PTPRN2: variants seen among roughly 807,000 people sequenced by gnomAD.
The protein encoded by PTPRN2 is receptor-type tyrosine-protein phosphatase N2.
A neutral mutation model predicts 118.8 loss-of-function variants in PTPRN2; 74 were observed. The ratio of observed to expected loss-of-function variants is 0.62; its 90% CI spans 0.52 to 0.76. The LOEUF is 0.76. PTPRN2 is among the 30% of genes least tolerant of loss of function. The probability of loss-of-function intolerance (pLI) is 0.00; values close to 1 mark genes in which losing one functional copy is unlikely to be tolerated. For synonymous variants in PTPRN2, 641 were observed against 608.0 expected (o/e 1.05, Z -0.80); for missense variants, 1,481 against 1,394.4 (o/e 1.06, Z -0.99).
intron 1 of PTPRN2, among the ~76,000 whole-genome samples, chr7:158,514,584 C>A (rs181275093): frequency 1.0e-3 from 156 of 152,278 alleles, no homozygotes; most frequent in African/African-American, 3.5e-3. Flanking sequence ...CAAAAAGGAT[C>A]CATGTGTGCA....
intron 12 of PTPRN2, among the ~76,000 whole-genome samples, chr7:157,866,532 T>C (rs933637166): frequency 6.6e-6 from 1 of 152,032 alleles, no homozygotes; most frequent in African/African-American, 2.4e-5. Context: ...AAACAGCGCA[T>C]GTGCCTCTCA....
At chr7:157,842,728 TGCCCCTGTCTCC>T (rs1258439955) in intron 12 of PTPRN2, among the ~76,000 whole-genome samples, 1 of 152,256 alleles carries the variant, frequency 6.6e-6, no homozygotes, top group East Asian at 1.9e-4. Context: ...AAGAATCCTG[TGCCCCTGTCTCC>T]GCCACAGTGC....
chr7:158,180,855 G>A (rs1824644135), intron 5 of PTPRN2, among the ~76,000 whole-genome samples: 1 of 151,940 alleles, frequency 6.6e-6, no homozygotes, highest in Admixed American at 6.6e-5. Flanking sequence ...GAGTCTTTAG[G>A]GTTTTGTAGG....
Position 157,768,323 on chromosome 7 carries a change from G to A in PTPRN2, c.1789-85386C>T, listed in dbSNP as rs552335633. Reference sequence around the variant, plus strand: ...TCCTCCGAGCAGCTCATCTGCGTTCGGCTGTGCGATCTGAGTGTGTTCACT... The same window carrying A: ...TCCTCCGAGCAGCTCATCTGCGTTCAGCTGTGCGATCTGAGTGTGTTCACT... On this transcript the variant is annotated intron_variant, in intron 12 of 22. Transcript: ENST00000389418. 3.3e-5 allele frequency among the ~76,000 whole-genome samples: 5 copies of A among 152,234 alleles called. No individual in the cohort carries two copies. The South Asian group carries it at 1.0e-3, about 32-fold the overall frequency.
At chr7:157,653,132 T>C (rs1044137236) in intron 14 of PTPRN2, among the ~76,000 whole-genome samples, 3 of 152,172 alleles carry the variant, frequency 2.0e-5, no homozygotes, top group Non-Finnish European at 4.4e-5. Context: ...GCAGCCGGCC[T>C]CTCCCACCTG....
intron 12 of PTPRN2, among the ~76,000 whole-genome samples, chr7:157,862,324 T>C (rs1163677264): frequency 6.6e-6 from 1 of 152,262 alleles, no homozygotes; most frequent in East Asian, 1.9e-4. Flanking sequence ...CATTAGCTCA[T>C]GTGCCCTCTG....
At chr7:157,588,716 G>T (rs1360727415) in intron 17 of PTPRN2, among the ~76,000 whole-genome samples, 1 of 152,204 alleles carries the variant, frequency 6.6e-6, no homozygotes, top group East Asian at 1.9e-4. Flanking sequence ...AAATGCCGAG[G>T]TCACTGCTGC....
In PTPRN2 at chr7:158,570,692, C is replaced by T. The variant is rs1479166845; in HGVS notation, c.112+16866G>A. ...ACGTGTATACCGGCTCAGCACGCGG[C>T]TGGGTACGGTTTGCAACGCCGAGAG... is the stretch of plus-strand genomic sequence containing the variant. On this transcript the variant is annotated intron_variant, in intron 1 of 22. Coordinates refer to ENST00000389418, the MANE Select transcript of PTPRN2 (RefSeq NM_002847.5). The surrounding 1 kb of genome is among the most constrained non-coding windows in gnomAD (Gnocchi z 4.5). Among the ~76,000 whole-genome samples, 1 of 152,236 alleles carries T rather than the reference C, an allele frequency of 6.6e-6. No homozygotes were observed.
intron 6 of PTPRN2, among the ~76,000 whole-genome samples, chr7:158,139,496 G>A (rs756808054): frequency 6.6e-6 from 1 of 152,076 alleles, no homozygotes; most frequent in Non-Finnish European, 1.5e-5. Flanking sequence ...AGGGCACGGG[G>A]GGGTGGGAAA....
At chr7:158,484,710 C>G (rs1489657788) in intron 2 of PTPRN2, among the ~76,000 whole-genome samples, 5 of 152,212 alleles carry the variant, frequency 3.3e-5, no homozygotes, top group Admixed American at 6.5e-5. Context: ...ACTTTTGTGA[C>G]TCGGTTTCTT....
intron 12 of PTPRN2, among the ~76,000 whole-genome samples, chr7:157,720,934 G>A (rs1356477266): frequency 6.6e-6 from 1 of 152,204 alleles, no homozygotes; most frequent in Admixed American, 6.5e-5. Flanking sequence ...CCCCTCGCGA[G>A]TTGAGGAAGG....
chr7:158,204,160 T>C (rs1826923279), intron 4 of PTPRN2, among the ~76,000 whole-genome samples: 1 of 151,278 alleles, frequency 6.6e-6, no homozygotes, highest in Non-Finnish European at 1.5e-5. Context: ...GTGTGCGGCG[T>C]TCTGGGGAAA....
At chr7:157,788,959 C>T (rs1804256727) in intron 12 of PTPRN2, among the ~76,000 whole-genome samples, 1 of 152,252 alleles carries the variant, frequency 6.6e-6, no homozygotes, top group Non-Finnish European at 1.5e-5. Flanking sequence ...CCCACACCTT[C>T]CCCAAGGAAC....
chr7:158,258,754 G>C (rs900650732), intron 3 of PTPRN2, among the ~76,000 whole-genome samples: 14 of 152,184 alleles, frequency 9.2e-5, no homozygotes, highest in Non-Finnish European at 2.1e-4. Flanking sequence ...TGTTGCTTCT[G>C]TATCTGTTTG....
At chr7:157,776,863 TCTC>T (rs1258063989) in intron 12 of PTPRN2, among the ~76,000 whole-genome samples, 2 of 43,704 alleles carry the variant, frequency 4.6e-5, no homozygotes, top group Non-Finnish European at 9.0e-5. Context: ...TCCTCCTCCC[TCTC>T]CTCCTCCTCC....
rs563317369 is a variant in PTPRN2 at position 158,164,944 on chromosome 7, G to A, written c.910+1987C>T. ...TGAGCTGGAGGAGAACAGGAAGCTC[G>A]GCAGCTACACGGACCCAAGGTCGCA... On this transcript the variant is annotated intron_variant, in intron 6 of 22. Coordinates refer to ENST00000389418, the MANE Select transcript of PTPRN2 (RefSeq NM_002847.5). Among the ~76,000 whole-genome samples the A allele has an allele frequency of 8.6e-5, 13 of 150,592 alleles. 1 individual carries two copies. In the South Asian group the frequency reaches 1.9e-3, roughly 22 times the overall value.
chr7:158,441,701 G>GTGGCAGTGGTGGTGATAGCGATGGTGA (rs1817280153), intron 2 of PTPRN2, among the ~76,000 whole-genome samples: 2 of 128,130 alleles, frequency 1.6e-5, no homozygotes, highest in African/African-American at 5.7e-5. Context: ...GATGGCAATG[G>GTGGCAGTGGTGGTGATAGCGATGGTGA]TGGCAGTGGT....
intron 2 of PTPRN2, among the ~76,000 whole-genome samples, chr7:158,392,866 CCT>C (rs1351159032): frequency 2.0e-5 from 3 of 152,122 alleles, no homozygotes; most frequent in Admixed American, 2.0e-4. Context: ...CCAGGCAGCC[CCT>C]CTCGGTAGAA....
chr7:157,961,303 A>G (rs1209413906), intron 11 of PTPRN2, among the ~76,000 whole-genome samples: 1 of 152,018 alleles, frequency 6.6e-6, no homozygotes, highest in African/African-American at 2.4e-5. Context: ...AGGCTGTGGC[A>G]GGTGGATCAC....
Sources: gnomAD v4.1 joint callset for allele counts (sites outside exome capture counted in the v4.1 genomes callset) on GRCh38, gnomAD v4.1.1 for gene constraint, Gnocchi (gnomAD v3.1) non-coding constraint, MANE v1.5 for transcripts, NCBI Gene and HGNC (gene_info 2026-07-23, HGNC 2026-07-21) for gene names.